TRIP12: variants seen among roughly 807,000 people sequenced by gnomAD.
TRIP12 encodes thyroid hormone receptor interactor 12, also known as E3 ubiquitin-protein ligase TRIP12.
Under a neutral mutation model 244.2 loss-of-function variants are expected in TRIP12, and 25 were observed. The ratio of observed to expected loss-of-function variants is 0.10; its 90% CI spans 0.07 to 0.14. TRIP12 has a LOEUF of 0.14. Ranked by LOEUF, TRIP12 falls within the 10% of genes least tolerant of loss-of-function variation. The pLI is 1.00. For synonymous variants in TRIP12, 905 were observed against 873.1 expected (o/e 1.04, Z -0.64); for missense variants, 1,677 against 2,486.4 (o/e 0.67, Z 6.92).
At position 229,860,530 on chromosome 2, in the gene TRIP12, A is replaced by G; in HGVS notation, c.100T>C (p.Ser34Pro). 1 of 1,591,230 alleles carries G rather than the reference A, an allele frequency of 6.3e-7. No individual in the cohort carries two copies. Among genetic ancestry groups the G allele is most frequent in the Non-Finnish European group, 8.5e-7 (1 of 1,170,616 alleles). The change falls in exon 3 of 42, where the codon TCA becomes CCA. Residue 34 changes from serine (S) to proline (P), a missense_variant and splice_region_variant. Physicochemically the swap from Ser to Pro is moderately conservative, Grantham distance 74 (BLOSUM62 -1). Coordinates refer to ENST00000675903, the MANE Select transcript of TRIP12 (RefSeq NM_001348323.3). ...TTATGTTTTGCCTGCCCTAAATGTG[A>G]CCTGTCAGCAGAAAATCAAAACAGA... is the stretch of plus-strand genomic sequence containing the variant. ...QPQDDSIGGR[S>P]HLGQAKHKGY...
intron 38 of TRIP12, among the ~76,000 whole-genome samples, chr2:229,772,065 G>C (rs1008082978): frequency 6.6e-5 from 10 of 152,210 alleles, no homozygotes; most frequent in African/African-American, 2.2e-4. Context: ...TAAATCCTGT[G>C]AAGTTCTTAG....
At chr2:229,884,530 T>C (rs567926688) in intron 1 of TRIP12, among the ~76,000 whole-genome samples, 1 of 152,164 alleles carries the variant, frequency 6.6e-6, no homozygotes. Context: ...GACCACTGCC[T>C]GTGCCTGGCC....
intron 1 of TRIP12, among the ~76,000 whole-genome samples, chr2:229,909,913 T>G (rs886176275): frequency 6.6e-6 from 1 of 152,216 alleles, no homozygotes; most frequent in Non-Finnish European, 1.5e-5. Context: ...TAATTCCATA[T>G]CCACTGCTAG....
At chr2:229,799,769 T>A (rs554581163) in intron 21 of TRIP12, among the ~76,000 whole-genome samples, 5 of 146,500 alleles carry the variant, frequency 3.4e-5, no homozygotes, top group African/African-American at 1.3e-4. Context: ...TGAGACTCCA[T>A]CTCAAAAAAA....
intron 8 of TRIP12, among the ~76,000 whole-genome samples, chr2:229,819,366 G>A (rs1194766229): frequency 1.3e-5 from 2 of 152,112 alleles, no homozygotes; most frequent in Non-Finnish European, 2.9e-5. Context: ...CCAACATGGC[G>A]AAACCGCATC....
chr2:229,897,097 C>T (rs946433676), intron 1 of TRIP12, among the ~76,000 whole-genome samples: 1 of 152,064 alleles, frequency 6.6e-6, no homozygotes, highest in Non-Finnish European at 1.5e-5. Context: ...ATCTCTGTAC[C>T]TTCAGCTGAT....
rs776939129 is a variant in TRIP12, at chr2:229,797,859, A to G, written c.3483-28T>C. Reference sequence around the variant, plus strand: ...ACAAGAAACAAAAAGGAGATATTAAAGTCCCAGTGTATGTAGAAAGGATAT... The same window carrying G: ...ACAAGAAACAAAAAGGAGATATTAAGGTCCCAGTGTATGTAGAAAGGATAT... On this transcript the variant is annotated intron_variant, in intron 23 of 41. Transcript: ENST00000675903. 6.2e-6 allele frequency: 10 copies of G among 1,608,146 alleles called. No homozygotes were observed. In the Admixed American group the frequency reaches 1.7e-4, roughly 27 times the overall value.
rs933441528 is a variant in TRIP12 at position 229,764,287 on chromosome 2, A to G, written c.*3267T>C. On this transcript the variant is annotated 3_prime_UTR_variant, in exon 42 of 42. Transcript: ENST00000675903. ...TGTATGTCAACTACTGCAATGTCAA[A>G]CCTAAGACTTATACAAAAGCATTTC... 1.3e-5 allele frequency: 2 copies of G among 152,200 alleles called. No homozygotes were observed. The highest frequency in any genetic ancestry group is 6.5e-5 in the Admixed American group (1 of 15,278). The allele number at this position is 152,200 out of a possible 1,614,324, so 9.4% of individuals were successfully genotyped here.
At chr2:229,922,752 C>T (rs2076785516), upstream of TRIP12, 3 of 802,844 alleles carry the variant, frequency 3.7e-6, no homozygotes, top group Admixed American at 2.8e-5. Context: ...AGATTTTCCT[C>T]GTCACCTCGG....
intron 20 of TRIP12, 92 bp from the exon 21 acceptor site, chr2:229,802,551 C>CGT: frequency 1.1e-6 from 1 of 888,904 alleles, no homozygotes; most frequent in Non-Finnish European, 1.7e-6. Flanking sequence ...CCAACACTGA[C>CGT]ATAATACACA....
intron 4 of TRIP12, among the ~76,000 whole-genome samples, chr2:229,847,553 T>C (rs1341487904): frequency 6.6e-6 from 1 of 152,194 alleles, no homozygotes; most frequent in East Asian, 1.9e-4. Context: ...ACACTATTGT[T>C]ACAATACAAT....
chr2:229,797,741 T>A lies in TRIP12; in HGVS notation c.3573A>T (p.Ala1191=). ...CACAAAGTCTCTGAAGGACATTCAA[T>A]GCAGGGTTGCTTCCATCCATATTCT... ...SSENMDGSNP[A]LNVLQRLCAA... Residue 1191 remains alanine (A), a synonymous_variant, in exon 24 of 42, where the codon GCA becomes GCT. Coordinates refer to ENST00000675903, the MANE Select transcript of TRIP12 (RefSeq NM_001348323.3). 6.2e-7 allele frequency: 1 copy of A among 1,614,082 alleles called. No individual in the cohort carries two copies. The highest frequency in any genetic ancestry group is 8.5e-7 in the Non-Finnish European group (1 of 1,179,962).
chr2:229,907,416 C>G (rs2073134573), intron 1 of TRIP12, among the ~76,000 whole-genome samples: 1 of 152,196 alleles, frequency 6.6e-6, no homozygotes, highest in Non-Finnish European at 1.5e-5. Context: ...CATTTCAACT[C>G]TAAAATTCTA....
At chr2:229,788,483 A>C (rs962351386) in intron 32 of TRIP12, among the ~76,000 whole-genome samples, 2 of 152,228 alleles carry the variant, frequency 1.3e-5, no homozygotes, top group Non-Finnish European at 2.9e-5. Flanking sequence ...TCCCTGACCC[A>C]AGCAGGCTCA....
chr2:229,847,715 A>C (rs1321304141), intron 4 of TRIP12, among the ~76,000 whole-genome samples: 1 of 152,236 alleles, frequency 6.6e-6, no homozygotes, highest in Non-Finnish European at 1.5e-5. Flanking sequence ...CCTCTAGGGC[A>C]GTGTTGGGAT....
chr2:229,881,925 G>T (rs2064968353), intron 1 of TRIP12, among the ~76,000 whole-genome samples: 1 of 152,192 alleles, frequency 6.6e-6, no homozygotes, highest in African/African-American at 2.4e-5. Context: ...CATTTTTGTT[G>T]TCATTGAGAC....
chr2:229,817,540 C>T (rs891780613), intron 9 of TRIP12, among the ~76,000 whole-genome samples: 4 of 152,152 alleles, frequency 2.6e-5, no homozygotes, highest in Non-Finnish European at 4.4e-5. Context: ...TATCAACTCA[C>T]AACTGTGTTG....
intron 4 of TRIP12, among the ~76,000 whole-genome samples, chr2:229,856,975 T>A (rs1002007496): frequency 6.6e-6 from 1 of 152,188 alleles, no homozygotes; most frequent in Non-Finnish European, 1.5e-5. Flanking sequence ...AAACATAAAA[T>A]TTTTTATATA....
intron 36 of TRIP12, 47 bp from the exon 37 acceptor site, chr2:229,777,526 A>T (rs753007672): frequency 2.5e-6 from 4 of 1,596,234 alleles, no homozygotes; most frequent in Non-Finnish European, 8.6e-7. Context: ...CTGAACTTCC[A>T]GCATTACCTC....
Sources: allele counts gnomAD v4.1 joint callset (sites outside exome capture counted in the v4.1 genomes callset), GRCh38; gene constraint gnomAD v4.1.1; transcripts MANE v1.5; gene names NCBI Gene and HGNC (gene_info 2026-07-23, HGNC 2026-07-21).